ABAT: variants seen among roughly 807,000 people sequenced by gnomAD.
The protein encoded by ABAT is 4-aminobutyrate aminotransferase, mitochondrial.
In ABAT, 45 loss-of-function variants were observed where a neutral mutation model predicts 64.6. That is an observed-to-expected ratio of 0.70 (90% CI 0.55 to 0.89). The LOEUF (loss-of-function observed/expected upper bound fraction) is 0.89. Among genes scored for constraint, ABAT ranks in the 40% least tolerant of loss-of-function variants. ABAT has a pLI of 0.00. For synonymous variants in ABAT, 297 were observed against 250.5 expected, an observed-to-expected ratio of 1.19 and a Z score of -1.75; for missense variants, 633 against 658.4, an observed-to-expected ratio of 0.96 and a Z score of 0.42.
intron 6 of ABAT, among the ~76,000 whole-genome samples, chr16:8,761,862 T>G (rs1042209603): frequency 1.3e-5 from 2 of 152,210 alleles, no homozygotes; most frequent in African/African-American, 4.8e-5. Context: ...CAAACCACCC[T>G]GAAACTCCAC....
chr16:8,732,472 C>T (rs1438475112), intron 1 of ABAT, among the ~76,000 whole-genome samples: 5 of 151,004 alleles, frequency 3.3e-5, no homozygotes, highest in Non-Finnish European at 7.4e-5. Context: ...GCACATCTTG[C>T]ACCGCCCTTA....
intron 1 of ABAT, among the ~76,000 whole-genome samples, chr16:8,728,779 C>T (rs2058631925): frequency 6.6e-6 from 1 of 152,116 alleles, no homozygotes; most frequent in Admixed American, 6.5e-5. Flanking sequence ...GAGGCTGAGG[C>T]AGGAGAATCG....
chr16:8,718,136 T>C (rs1342777689), intron 1 of ABAT, among the ~76,000 whole-genome samples: 2 of 152,200 alleles, frequency 1.3e-5, no homozygotes, highest in East Asian at 3.9e-4. Flanking sequence ...GCGCTGATGA[T>C]GCATACTGTG....
intron 1 of ABAT, among the ~76,000 whole-genome samples, chr16:8,687,743 A>G (rs1431356779): frequency 6.6e-6 from 1 of 152,196 alleles, no homozygotes; most frequent in East Asian, 1.9e-4. Context: ...GAGTCTGGAA[A>G]GCAGCTGTGC....
intron 8 of ABAT, among the ~76,000 whole-genome samples, chr16:8,765,507 T>C (rs1772938912): frequency 6.6e-6 from 1 of 151,446 alleles, no homozygotes. Context: ...CTATAAAATA[T>C]ACAAAAAATT....
At chr16:8,722,139 C>T (rs2058389971) in intron 1 of ABAT, among the ~76,000 whole-genome samples, 3 of 152,212 alleles carry the variant, frequency 2.0e-5, no homozygotes, top group Admixed American at 2.0e-4. Context: ...CTGCTCTCTG[C>T]CAGTCTCTAG....
At chr16:8,747,700 T>A (rs2059373021) in intron 3 of ABAT, among the ~76,000 whole-genome samples, 1 of 152,324 alleles carries the variant, frequency 6.6e-6, no homozygotes, top group South Asian at 2.1e-4. Context: ...GTGTTTGGAT[T>A]ATAATTATAA....
chr16:8,750,610 AT>A, intron 5 of ABAT, 71 bp downstream of exon 5: 1 of 1,427,938 alleles, frequency 7.0e-7, no homozygotes, highest in Non-Finnish European at 9.9e-7. Flanking sequence ...CTATCCAGGT[AT>A]TAGGATGTGG....
intron 2 of ABAT, among the ~76,000 whole-genome samples, chr16:8,744,656 C>T (rs1567299941): frequency 1.3e-5 from 2 of 152,220 alleles, no homozygotes; most frequent in East Asian, 3.9e-4. Flanking sequence ...GTATGAGCCA[C>T]GGTGCCCAGC....
intron 1 of ABAT, among the ~76,000 whole-genome samples, chr16:8,694,193 A>ATT (rs35832558): frequency 6.1e-5 from 8 of 131,134 alleles, no homozygotes; most frequent in Admixed American, 7.9e-5. Flanking sequence ...CAATGCCCAG[A>ATT]TTTTTTTTTT....
At position 8,769,578 on chromosome 16, in the gene ABAT, A is replaced by AAGAG. The variant is rs1379164819; in HGVS notation, c.816+615_816+618dup. 2.6e-3 allele frequency among the ~76,000 whole-genome samples: 335 copies of AAGAG among 129,366 alleles called. 7 individuals carry two copies. Among genetic ancestry groups the AAGAG allele is most frequent in the Middle Eastern group, 4.0e-3 (1 of 248 alleles). The allele number at this position is 129,366 out of a possible 152,430, so 84.9% of individuals were successfully genotyped here. On this transcript the variant is annotated intron_variant, in intron 11 of 15. Coordinates refer to ENST00000268251, the MANE Select transcript of ABAT (RefSeq NM_020686.6). The stretch of plus-strand genomic sequence containing the variant: ...TGTCCAAAAAAAAAAAAAAAAAAAA[A>AAGAG]AGAGAGAGAGAGAAAGAAAGAATAT...
chr16:8,740,582 T>G (rs116389206), intron 2 of ABAT, among the ~76,000 whole-genome samples: 1 of 152,178 alleles, frequency 6.6e-6, no homozygotes, highest in Non-Finnish European at 1.5e-5. Flanking sequence ...AGCCTCAGCC[T>G]GCAGCCATAC....
At chr16:8,716,140 A>G (rs550556470) in intron 1 of ABAT, among the ~76,000 whole-genome samples, 4 of 152,132 alleles carry the variant, frequency 2.6e-5, no homozygotes, top group African/African-American at 4.8e-5. Flanking sequence ...TATCACACCC[A>G]TTTTCCAGTG....
intron 1 of ABAT, among the ~76,000 whole-genome samples, chr16:8,732,198 T>G (rs2058742788): frequency 5.2e-4 from 4 of 7,686 alleles, no homozygotes; most frequent in South Asian, 0.019. Context: ...TTTTTTTTGT[T>G]TTTTTTTTTT....
At chr16:8,720,432 A>G (rs553296907) in intron 1 of ABAT, among the ~76,000 whole-genome samples, 59 of 152,236 alleles carry the variant, frequency 3.9e-4, no homozygotes, top group Non-Finnish European at 6.9e-4. Context: ...CTGTCTCCCT[A>G]TACAAGTCAC....
At chr16:8,777,087 G>C (rs1297229445) in intron 14 of ABAT, among the ~76,000 whole-genome samples, 1 of 152,002 alleles carries the variant, frequency 6.6e-6, no homozygotes, top group Non-Finnish European at 1.5e-5. Flanking sequence ...TTTGAATAGA[G>C]ACAGGGTTTC....
At position 8,694,372 on chromosome 16, in the gene ABAT, T is replaced by A. The variant is rs115366805; in HGVS notation, c.-42+19661T>A. Among the ~76,000 whole-genome samples, 1,338 of 151,824 alleles carry A rather than the reference T, an allele frequency of 8.8e-3. 27 individuals carry two copies. Among genetic ancestry groups the A allele is most frequent in the African/African-American group, 0.031 (1,278 of 41,398 alleles). On this transcript the variant is annotated intron_variant, in intron 1 of 15. Coordinates refer to ENST00000268251, the MANE Select transcript of ABAT (RefSeq NM_020686.6). ...TCCCCAGCTTTACATGCATTCACCT[T>A]GCACGTTTTTTGTTTGTTTGTTTTG...
Position 8,782,097 on chromosome 16 carries a change from G to A in ABAT, c.*667G>A. 1 of 155,080 alleles carries A rather than the reference G, an allele frequency of 6.4e-6. No individual in the cohort carries two copies. Among genetic ancestry groups the A allele is most frequent in the Middle Eastern group, 3.4e-3 (1 of 298 alleles). The allele number at this position is 155,080 out of a possible 1,614,324, so 9.6% of individuals were successfully genotyped here. A position where few individuals can be genotyped will look rare whatever the true frequency, so the allele number is the denominator to read the frequency against. On this transcript the variant is annotated 3_prime_UTR_variant, in exon 16 of 16. Coordinates refer to ENST00000268251, the MANE Select transcript of ABAT (RefSeq NM_020686.6). Reference sequence around the variant, plus strand: ...AAACTGTGAATTCTGCCCTGGACAGGGCTTTGCCCTTGGAGGATCCCCAGG... The same window carrying A: ...AAACTGTGAATTCTGCCCTGGACAGAGCTTTGCCCTTGGAGGATCCCCAGG...
intron 5 of ABAT, among the ~76,000 whole-genome samples, chr16:8,754,574 C>T (rs909521236): frequency 6.6e-6 from 1 of 152,178 alleles, no homozygotes; most frequent in African/African-American, 2.4e-5. Context: ...TGCACAAACT[C>T]CATTTGACCA....
Sources: gnomAD v4.1 joint callset for allele counts (sites outside exome capture counted in the v4.1 genomes callset) on GRCh38, gnomAD v4.1.1 for gene constraint, MANE v1.5 for transcripts, NCBI Gene and HGNC (gene_info 2026-07-23, HGNC 2026-07-21) for gene names.